The following RAB3GAP1 variants were observed in gnomAD, a reference collection of about 807,000 sequenced individuals.
The protein encoded by RAB3GAP1 is rab3 GTPase-activating protein catalytic subunit.
RAB3GAP1 carries 86 observed loss-of-function variants against 130.7 expected under a neutral mutation model. The observed-to-expected ratio is 0.66, with a 90% CI of 0.55 to 0.79. The LOEUF (loss-of-function observed/expected upper bound fraction) is 0.79. Ranked by LOEUF, RAB3GAP1 falls within the 30% of genes least tolerant of loss-of-function variation. RAB3GAP1 has a pLI of 0.00. For missense variants in RAB3GAP1, 1,029 were observed against 1,169.4 expected (o/e 0.88, Z 1.75); for synonymous variants, 367 against 401.7 (o/e 0.91, Z 1.03).
At chr2:135,156,225 C>T (rs1205066730) in intron 19 of RAB3GAP1, among the ~76,000 whole-genome samples, 1 of 152,012 alleles carries the variant, frequency 6.6e-6, no homozygotes, top group Non-Finnish European at 1.5e-5. Flanking sequence ...AGAACCAGGC[C>T]CAGATGGTTT....
In RAB3GAP1 at chr2:135,135,784, C is replaced by A; in HGVS notation, c.1775C>A (p.Thr592Asn). The A allele has an allele frequency of 6.2e-7, 1 of 1,614,014 alleles. No individual in the cohort carries two copies. Among genetic ancestry groups the A allele is most frequent in the Non-Finnish European group, 8.5e-7 (1 of 1,180,006 alleles). ...EEEFFECLSD[T>N]EELKGNGQES... Reference sequence around the variant, plus strand: ...GAATTTTTTGAATGCCTAAGTGATACTGAAGAACTTAAAGGAAATGGACAA... The same window carrying A: ...GAATTTTTTGAATGCCTAAGTGATAATGAAGAACTTAAAGGAAATGGACAA... Residue 592 changes from threonine to asparagine, a missense_variant, in exon 17 of 24, where the codon ACT becomes AAT. Around this residue, in one of 3 missense-constraint regions of RAB3GAP1, gnomAD observed 373 missense variants for 493.6 expected, o/e 0.76. Coordinates refer to ENST00000264158, the MANE Select transcript of RAB3GAP1 (RefSeq NM_012233.3).
intron 5 of RAB3GAP1, among the ~76,000 whole-genome samples, chr2:135,095,893 A>G (rs1690279648): frequency 1.3e-5 from 2 of 152,180 alleles, no homozygotes; most frequent in South Asian, 2.1e-4. Context: ...GTACAATAAG[A>G]TATCTTGAGA....
intron 17 of RAB3GAP1, among the ~76,000 whole-genome samples, chr2:135,141,765 CT>C (rs1211477798): frequency 1.3e-5 from 2 of 152,166 alleles, no homozygotes; most frequent in African/African-American, 4.8e-5. Context: ...TCTCTTTTCT[CT>C]ATAGGGAGAT....
intron 2 of RAB3GAP1, among the ~76,000 whole-genome samples, chr2:135,055,031 G>A (rs934481595): frequency 1.3e-5 from 2 of 152,162 alleles, no homozygotes; most frequent in African/African-American, 2.4e-5. Flanking sequence ...ATCCCCATAT[G>A]TCAAGCACAG....
intron 5 of RAB3GAP1, among the ~76,000 whole-genome samples, chr2:135,111,219 A>G (rs938169997): frequency 1.3e-5 from 2 of 152,176 alleles, no homozygotes; most frequent in Non-Finnish European, 2.9e-5. Flanking sequence ...TATAAAAATA[A>G]GGATTAATAA....
chr2:135,153,149 G>A (rs1388764480), intron 18 of RAB3GAP1, among the ~76,000 whole-genome samples: 1 of 152,114 alleles, frequency 6.6e-6, no homozygotes, highest in African/African-American at 2.4e-5. Context: ...GATTTATTGA[G>A]GAAAAGAAGA....
intron 3 of RAB3GAP1, among the ~76,000 whole-genome samples, chr2:135,086,340 T>G (rs1689982151): frequency 6.6e-6 from 1 of 152,160 alleles, no homozygotes; most frequent in Non-Finnish European, 1.5e-5. Flanking sequence ...TAGCCGTGCA[T>G]GAGATTTCAA....
intron 3 of RAB3GAP1, among the ~76,000 whole-genome samples, chr2:135,059,632 C>G (rs966017928): frequency 6.6e-6 from 1 of 152,090 alleles, no homozygotes; most frequent in Middle Eastern, 3.4e-3. Context: ...TAAGAACATG[C>G]AAGTTACTCT....
chr2:135,148,203 T>C (rs1692057112), intron 17 of RAB3GAP1, among the ~76,000 whole-genome samples: 1 of 152,196 alleles, frequency 6.6e-6, no homozygotes, highest in Non-Finnish European at 1.5e-5. Flanking sequence ...TGTACTTATA[T>C]GAAATGGTTG....
chr2:135,167,031 T>A (rs1486453789), intron 23 of RAB3GAP1, among the ~76,000 whole-genome samples: 1 of 152,226 alleles, frequency 6.6e-6, no homozygotes, highest in African/African-American at 2.4e-5. Flanking sequence ...AACTCAGTTT[T>A]AAATGTCTGG....
At chr2:135,150,814 C>T (rs1174400419) in intron 18 of RAB3GAP1, among the ~76,000 whole-genome samples, 1 of 151,900 alleles carries the variant, frequency 6.6e-6, no homozygotes, top group African/African-American at 2.4e-5. Context: ...TTTTAGGAAA[C>T]TTAGGATTTA....
At chr2:135,138,035 C>T (rs1238695038) in intron 17 of RAB3GAP1, among the ~76,000 whole-genome samples, 1 of 151,910 alleles carries the variant, frequency 6.6e-6, no homozygotes, top group Non-Finnish European at 1.5e-5. Flanking sequence ...CCCTGTTGTC[C>T]AGGCTTGTCT....
At chr2:135,056,394 C>T (rs187436183) in intron 2 of RAB3GAP1, among the ~76,000 whole-genome samples, 19 of 151,984 alleles carry the variant, frequency 1.3e-4, no homozygotes, top group African/African-American at 3.9e-4. Context: ...TCAGTAGAGA[C>T]GGGGTTTCAC....
At chr2:135,133,024 G>A (rs775583789) in intron 14 of RAB3GAP1, 40 bp downstream of exon 14, 1 of 1,174,788 alleles carries the variant, frequency 8.5e-7, no homozygotes, top group Non-Finnish European at 1.3e-6. Context: ...TGTTTTAAAT[G>A]CACTGAATTT....
chr2:135,123,430 A>G (rs1329438621), intron 8 of RAB3GAP1, among the ~76,000 whole-genome samples: 2 of 152,212 alleles, frequency 1.3e-5, no homozygotes, highest in Non-Finnish European at 2.9e-5. Flanking sequence ...ATGTAGATAA[A>G]TATCAGATGT....
Position 135,130,027 on chromosome 2 carries a change from C to A in RAB3GAP1, c.1006C>A (p.Arg336Ser). 1 of 1,611,088 alleles carries A rather than the reference C, an allele frequency of 6.2e-7. No individual in the cohort carries two copies. The highest frequency in any genetic ancestry group is 8.5e-7 in the Non-Finnish European group (1 of 1,178,802). ...DFVTEFFKIC[R>S]RKESTDEILG... ...TGTCACTGAATTTTTTAAAATTTGC[C>A]GTCGAAAGGAGTCAACTGATGAGAT... is the stretch of plus-strand genomic sequence containing the variant. The change falls in exon 12 of 24, where the codon CGT becomes AGT. Residue 336 changes from arginine to serine, a missense_variant. Physicochemically the swap from Arg to Ser is moderately radical, Grantham distance 110. This residue lies in a region of RAB3GAP1 where 510 missense variants were observed against 532.1 expected (regional missense o/e 0.96). Transcript: ENST00000264158.
chr2:135,093,042 A>C (rs935936047), intron 4 of RAB3GAP1, among the ~76,000 whole-genome samples: 1 of 152,362 alleles, frequency 6.6e-6, no homozygotes, highest in African/African-American at 2.4e-5. Flanking sequence ...AATGATAGCT[A>C]TACAACAAAA....
chr2:135,058,221 T>C, intron 3 of RAB3GAP1, 135 bp downstream of exon 3: 1 of 724,958 alleles, frequency 1.4e-6, no homozygotes, highest in Non-Finnish European at 2.4e-6. Context: ...TCAAATAGCA[T>C]TTGGAAGAAT....
chr2:135,100,384 G>C (rs928778093), intron 5 of RAB3GAP1, among the ~76,000 whole-genome samples: 2 of 152,170 alleles, frequency 1.3e-5, no homozygotes, highest in Non-Finnish European at 2.9e-5. Flanking sequence ...TCATCCCCTG[G>C]TATTTTTCAG....
Sources: allele counts gnomAD v4.1 joint callset (sites outside exome capture counted in the v4.1 genomes callset), GRCh38; gene constraint gnomAD v4.1.1; regional missense constraint gnomAD v4.1.1; transcripts MANE v1.5; gene names NCBI Gene and HGNC (gene_info 2026-07-23, HGNC 2026-07-21).